KCNC1: variants seen among roughly 807,000 people sequenced by gnomAD.
KCNC1 encodes voltage-gated potassium channel KCNC1.
In KCNC1, 8 loss-of-function variants were observed where a neutral mutation model predicts 43.4. The observed-to-expected ratio is 0.18, with a 90% confidence interval of 0.11 to 0.33. The LOEUF (loss-of-function observed/expected upper bound fraction) is 0.33. Among genes scored for constraint, KCNC1 ranks in the 10% least tolerant of loss-of-function variants. KCNC1 has a pLI of 1.00. For missense variants in KCNC1, 420 were observed against 836.0 expected, an observed-to-expected ratio of 0.50 and a Z score of 6.14; for synonymous variants, 361 against 360.5, an observed-to-expected ratio of 1.00 and a Z score of -0.01.
At chr11:17,743,224 C>T (rs935407696) in intron 1 of KCNC1, among the ~76,000 whole-genome samples, 1 of 152,216 alleles carries the variant, frequency 6.6e-6, no homozygotes, top group African/African-American at 2.4e-5. Context: ...GGTCACTTAG[C>T]TCATGCGCGG....
chr11:17,767,170 C>T (rs1590104467), intron 1 of KCNC1, among the ~76,000 whole-genome samples: 1 of 149,778 alleles, frequency 6.7e-6, no homozygotes, highest in Non-Finnish European at 1.5e-5. Context: ...GTGGTGCACA[C>T]TTATAATCCC....
In KCNC1 at chr11:17,779,523, G is replaced by A; in HGVS notation, c.1572G>A (p.Gln524=). Reference sequence around the variant, plus strand: ...ACGAAGACTGCCCCCACATAGACCAGGCCCTCACTCCCGATGAGGGCCTGC... The same window carrying A: ...ACGAAGACTGCCCCCACATAGACCAAGCCCTCACTCCCGATGAGGGCCTGC... ...LANEDCPHID[Q]ALTPDEGLPF... is the part of the protein sequence containing the mutation. The change falls in exon 3 of 4, where the codon CAG becomes CAA. Residue 524 remains glutamine, a synonymous_variant. Transcript: ENST00000265969. This position sits in a 1 kb window ranked among gnomAD's most constrained non-coding sequence, Gnocchi z 7.2. 6.4e-7 allele frequency: 1 copy of A among 1,551,478 alleles called. No homozygotes were observed. Among genetic ancestry groups the A allele is most frequent in the Non-Finnish European group, 8.7e-7 (1 of 1,146,954 alleles).
chr11:17,749,073 A>G (rs750870678), intron 1 of KCNC1, among the ~76,000 whole-genome samples: 6 of 152,208 alleles, frequency 3.9e-5, no homozygotes, highest in Non-Finnish European at 7.3e-5. Context: ...GAAGATGGCT[A>G]GTGGCATGGG....
chr11:17,754,272 G>T (rs149890058), intron 1 of KCNC1, among the ~76,000 whole-genome samples: 1 of 152,352 alleles, frequency 6.6e-6, no homozygotes, highest in East Asian at 1.9e-4. Flanking sequence ...GCCAATGAGA[G>T]CATAGCTGAA....
At chr11:17,764,348 C>T (rs554160945) in intron 1 of KCNC1, among the ~76,000 whole-genome samples, 1 of 150,812 alleles carries the variant, frequency 6.6e-6, no homozygotes, top group East Asian at 1.9e-4. Context: ...ATATGTGTTC[C>T]CCACACACCC....
chr11:17,747,469 C>T (rs997779477), intron 1 of KCNC1, among the ~76,000 whole-genome samples: 3 of 152,136 alleles, frequency 2.0e-5, no homozygotes, highest in African/African-American at 4.8e-5. Flanking sequence ...GGCTGGCGGG[C>T]GGAGGCCATG....
intron 1 of KCNC1, among the ~76,000 whole-genome samples, chr11:17,746,357 A>G (rs1333609695): frequency 1.3e-5 from 2 of 152,122 alleles, no homozygotes; most frequent in Non-Finnish European, 2.9e-5. Flanking sequence ...CCCACCCACC[A>G]TCCACAACCA....
rs949253035 is a variant in KCNC1, at chr11:17,776,696, G to A, written c.1505-2760G>A. 1.0e-6 allele frequency: 1 copy of A among 985,204 alleles called. No individual in the cohort carries two copies. Among genetic ancestry groups the A allele is most frequent in the Non-Finnish European group, 1.2e-6 (1 of 829,950 alleles). 61.0% of individuals were successfully genotyped at this position (985,204 alleles called of 1,614,324 possible). On this transcript the variant is annotated intron_variant, in intron 2 of 3. Transcript: ENST00000265969. This position sits in a 1 kb window ranked among gnomAD's most constrained non-coding sequence, Gnocchi z 4.4. ...AGGGCCCCCAGCCTCTGGAAAGCAG[G>A]TGGGAATGGAGGCTCCTAGCCACTA...
At chr11:17,737,488 C>T (rs933536984) in intron 1 of KCNC1, among the ~76,000 whole-genome samples, 1 of 152,146 alleles carries the variant, frequency 6.6e-6, no homozygotes, top group African/African-American at 2.4e-5. Flanking sequence ...CTGCTGCTGA[C>T]CTTGGTCCCT....
rs1302752718 is a variant in KCNC1 at position 17,779,253 on chromosome 11, G to T, written c.1505-203G>T. ...GGAGTCCCCACTCCCAGCACTGTGG[G>T]CAGCCCGAAGGCTGCCTGAATGAGC... On this transcript the variant is annotated intron_variant, in intron 2 of 3. Transcript: ENST00000265969. This position sits in a 1 kb window ranked among gnomAD's most constrained non-coding sequence, Gnocchi z 7.2. 9.4e-6 allele frequency: 5 copies of T among 529,212 alleles called. No homozygotes were observed. The highest frequency in any genetic ancestry group is 7.7e-5 in the African/African-American group (4 of 52,112). 32.8% of individuals were successfully genotyped at this position (529,212 alleles called of 1,614,324 possible). A position where few individuals can be genotyped will look rare whatever the true frequency, so the allele number is the denominator to read the frequency against.
chr11:17,739,383 GT>G lies in KCNC1; in HGVS notation c.570+2812del, dbSNP rs1245373852. ...CAGGCGTGTGTGTGTGTGTGTGTGTGTGTGTGTGTGTGTGTGGTGAGACTGC... is the reference window on the plus strand; with the variant it reads ...CAGGCGTGTGTGTGTGTGTGTGTGTGGTGTGTGTGTGTGTGGTGAGACTGC... On this transcript the variant is annotated intron_variant, in intron 1 of 3. Coordinates refer to ENST00000265969, the MANE Select transcript of KCNC1 (RefSeq NM_001112741.2). This position sits in a 1 kb window ranked among gnomAD's most constrained non-coding sequence, Gnocchi z 4.2. Among the ~76,000 whole-genome samples, 8 of 151,572 alleles carry G rather than the reference GT, an allele frequency of 5.3e-5. No homozygotes were observed. The South Asian group carries it at 6.3e-4, about 12-fold the overall frequency.
chr11:17,773,331 G>C lies in KCNC1; in HGVS notation c.1504+733G>C, dbSNP rs78536618. 83,467 of 985,340 alleles carry C rather than the reference G, an allele frequency of 0.085. 3,709 individuals carry two copies. Among genetic ancestry groups the C allele is most frequent in the Non-Finnish European group, 0.092 (76,423 of 829,924 alleles). 61.0% of individuals were successfully genotyped at this position (985,340 alleles called of 1,614,324 possible). A position where few individuals can be genotyped will look rare whatever the true frequency, so the allele number is the denominator to read the frequency against. ...TTGAAGTGACTCTAGCTTTCACGTT[G>C]TCTGTTTGGGTTGATGGTCGAGTGG... On this transcript the variant is annotated intron_variant, in intron 2 of 3. Transcript: ENST00000265969. This position sits in a 1 kb window ranked among gnomAD's most constrained non-coding sequence, Gnocchi z 4.1.
At chr11:17,748,326 C>T (rs963614450) in intron 1 of KCNC1, among the ~76,000 whole-genome samples, 2 of 152,136 alleles carry the variant, frequency 1.3e-5, no homozygotes, top group African/African-American at 4.8e-5. Flanking sequence ...GGGTTCAAGG[C>T]GCAGCGAGGA....
Position 17,777,067 on chromosome 11 carries a change from G to A in KCNC1, c.1505-2389G>A, listed in dbSNP as rs939644859. On this transcript the variant is annotated intron_variant, in intron 2 of 3. Coordinates refer to ENST00000265969, the MANE Select transcript of KCNC1 (RefSeq NM_001112741.2). This position sits in a 1 kb window ranked among gnomAD's most constrained non-coding sequence, Gnocchi z 4.3. ...TATCATCCCTCCAGGGATCCCTGATGGATGTTCCTTGTCCCCTGCCCAAAA... is the reference window on the plus strand; with the variant it reads ...TATCATCCCTCCAGGGATCCCTGATAGATGTTCCTTGTCCCCTGCCCAAAA... 1.0e-6 allele frequency: 1 copy of A among 985,108 alleles called. No individual in the cohort carries two copies. The highest frequency in any genetic ancestry group is 1.7e-5 in the African/African-American group (1 of 57,170). 61.0% of individuals were successfully genotyped at this position (985,108 alleles called of 1,614,324 possible).
Position 17,773,607 on chromosome 11 carries a change from A to G in KCNC1, c.1504+1009A>G. On this transcript the variant is annotated intron_variant, in intron 2 of 3. Transcript: ENST00000265969. The surrounding 1 kb of genome is among the most constrained non-coding windows in gnomAD (Gnocchi z 4.1). ...AACAATACTAGTCACCGTGGGATAT[A>G]TTCTAATATTCCATGGCTAGTGGTT... The G allele has an allele frequency of 4.1e-6, 4 of 985,374 alleles. No individual in the cohort carries two copies. Among genetic ancestry groups the G allele is most frequent in the Non-Finnish European group, 4.8e-6 (4 of 829,924 alleles). 61.0% of individuals were successfully genotyped at this position (985,374 alleles called of 1,614,324 possible). A position where few individuals can be genotyped will look rare whatever the true frequency, so the allele number is the denominator to read the frequency against.
intron 1 of KCNC1, among the ~76,000 whole-genome samples, chr11:17,752,665 AT>A (rs1215849024): frequency 6.6e-6 from 1 of 152,164 alleles, no homozygotes; most frequent in Non-Finnish European, 1.5e-5. Flanking sequence ...GTCAGACAAA[AT>A]TGGGTTTCAA....
intron 1 of KCNC1, among the ~76,000 whole-genome samples, chr11:17,756,590 C>T (rs994140382): frequency 3.3e-5 from 5 of 151,086 alleles, no homozygotes; most frequent in Non-Finnish European, 7.4e-5. Context: ...ACCCCTGACT[C>T]GATACAAACA....
chr11:17,779,316 C>A lies in KCNC1; in HGVS notation c.1505-140C>A. The A allele has an allele frequency of 3.0e-6, 2 of 671,300 alleles. No individual in the cohort carries two copies. The highest frequency in any genetic ancestry group is 2.4e-6 in the Non-Finnish European group (1 of 416,002). The allele number at this position is 671,300 out of a possible 1,614,324, so 41.6% of individuals were successfully genotyped here. A position where few individuals can be genotyped will look rare whatever the true frequency, so the allele number is the denominator to read the frequency against. On this transcript the variant is annotated intron_variant, in intron 2 of 3. Transcript: ENST00000265969. This position sits in a 1 kb window ranked among gnomAD's most constrained non-coding sequence, Gnocchi z 7.2. ...CAAGCCCCCTGCCTTGTGCCCTCCT[C>A]GCTCCACAGCCTGCCCGCTTTTCCG...
At chr11:17,750,433 C>G (rs1848953891) in intron 1 of KCNC1, among the ~76,000 whole-genome samples, 1 of 152,152 alleles carries the variant, frequency 6.6e-6, no homozygotes, top group South Asian at 2.1e-4. Context: ...GCTGGCTTCC[C>G]TTCTAGGCGG....
Sources: gnomAD v4.1 joint callset for allele counts (sites outside exome capture counted in the v4.1 genomes callset) on GRCh38, gnomAD v4.1.1 for gene constraint, Gnocchi (gnomAD v3.1) non-coding constraint, MANE v1.5 for transcripts, NCBI Gene and HGNC (gene_info 2026-07-23, HGNC 2026-07-21) for gene names.